The following TPO variants were observed in gnomAD, a reference collection of about 807,000 sequenced individuals.
The protein encoded by TPO is thyroid peroxidase, also known as thyroid microsomal antigen.
A neutral mutation model predicts 96.9 loss-of-function variants in TPO; 78 were observed. The observed-to-expected ratio is 0.81, with a 90% confidence interval of 0.67 to 0.97. The LOEUF (loss-of-function observed/expected upper bound fraction) is 0.97. Among genes scored for constraint, TPO ranks in the 50% least tolerant of loss-of-function variants. The pLI is 0.00. For missense variants in TPO, 1,252 were observed against 1,274.8 expected (o/e 0.98, Z 0.27); for synonymous variants, 547 against 538.0 (o/e 1.02, Z -0.23).
intron 7 of TPO, among the ~76,000 whole-genome samples, chr2:1,471,897 C>T (rs1669454745): frequency 6.6e-6 from 1 of 151,486 alleles, no homozygotes; most frequent in African/African-American, 2.4e-5. Flanking sequence ...GTGTGCCCTT[C>T]CCATGATCCT....
upstream of TPO, among the ~76,000 whole-genome samples, chr2:1,408,527 G>A (rs1442394765): frequency 2.0e-5 from 3 of 152,140 alleles, no homozygotes; most frequent in Non-Finnish European, 4.4e-5. Flanking sequence ...AGTTTTACAG[G>A]AGAATCTACT....
At chr2:1,463,763 T>C (rs1194961736) in intron 7 of TPO, among the ~76,000 whole-genome samples, 4 of 152,168 alleles carry the variant, frequency 2.6e-5, no homozygotes, top group African/African-American at 9.7e-5. Context: ...AAACCCCCCA[T>C]CCACTGCAGA....
At chr2:1,449,490 C>T (rs1384744484) in intron 5 of TPO, among the ~76,000 whole-genome samples, 3 of 152,150 alleles carry the variant, frequency 2.0e-5, no homozygotes, top group African/African-American at 7.2e-5. Context: ...ACACAATCGT[C>T]TCCTTTTTAG....
Position 1,438,069 on chromosome 2 carries a change from G to T in TPO, c.482+1685G>T, listed in dbSNP as rs867694706. ...GGGTGGAGGAGGGCAGGGGGTAGGT[G>T]CACTGTTGAGTCAGAAGCCGGAGCG... On this transcript the variant is annotated intron_variant, in intron 5 of 16. Coordinates refer to ENST00000329066, the MANE Select transcript of TPO (RefSeq NM_001206744.2). 3.9e-5 allele frequency among the ~76,000 whole-genome samples: 6 copies of T among 151,952 alleles called. No individual in the cohort carries two copies. In the South Asian group the frequency reaches 1.2e-3, roughly 32 times the overall value.
chr2:1,381,411 T>C (rs1558241703), intron 1 of TPO, among the ~76,000 whole-genome samples: 2 of 152,058 alleles, frequency 1.3e-5, no homozygotes, highest in African/African-American at 4.8e-5. Flanking sequence ...AAGAAAGCCA[T>C]AGACTTTTAA....
At chr2:1,465,207 G>C (rs1668789645) in intron 7 of TPO, among the ~76,000 whole-genome samples, 1 of 152,166 alleles carries the variant, frequency 6.6e-6, no homozygotes, top group East Asian at 1.9e-4. Flanking sequence ...TCAATTGGCT[G>C]TAAGTATTTG....
intron 10 of TPO, among the ~76,000 whole-genome samples, chr2:1,488,338 CCCTCCCCTTCT>C (rs1168114043): frequency 1.3e-5 from 2 of 152,038 alleles, no homozygotes; most frequent in Non-Finnish European, 2.9e-5. Context: ...TAGAGTGCCC[CCCTCCCCTTCT>C]CCTCCCCACC....
chr2:1,393,213 A>AGAGAG (rs1349584788), intron 1 of TPO, among the ~76,000 whole-genome samples: 3 of 152,164 alleles, frequency 2.0e-5, no homozygotes, highest in African/African-American at 7.2e-5. Flanking sequence ...AGCAGGAGGA[A>AGAGAG]GAGAGGAGAG....
chr2:1,405,296 C>T (rs1003620386), intron 1 of TPO, among the ~76,000 whole-genome samples: 5 of 151,074 alleles, frequency 3.3e-5, no homozygotes, highest in Non-Finnish European at 7.4e-5. Flanking sequence ...TCCATCCATC[C>T]ATCATCCATT....
intron 1 of TPO, among the ~76,000 whole-genome samples, chr2:1,384,756 G>C (rs902366095): frequency 6.6e-6 from 1 of 152,146 alleles, no homozygotes; most frequent in African/African-American, 2.4e-5. Context: ...ATGTTGAATA[G>C]GAGTGGTGAG....
At chr2:1,442,330 G>A (rs1369853535) in intron 5 of TPO, among the ~76,000 whole-genome samples, 1 of 152,188 alleles carries the variant, frequency 6.6e-6, no homozygotes, top group South Asian at 2.1e-4. Context: ...TGGGGTCATT[G>A]TGGAGATCTG....
intron 1 of TPO, among the ~76,000 whole-genome samples, chr2:1,388,679 C>T (rs1274304064): frequency 6.6e-6 from 1 of 152,178 alleles, no homozygotes; most frequent in East Asian, 1.9e-4. Context: ...GATGCCTCGC[C>T]CTGCTTTGGC....
rs766701376 is a variant in TPO at position 1,504,088 on chromosome 2, G to T, written c.2518+9G>T. The T allele has an allele frequency of 6.2e-7, 1 of 1,613,966 alleles. No homozygotes were observed. The highest frequency in any genetic ancestry group is 8.5e-7 in the Non-Finnish European group (1 of 1,180,048). On this transcript the variant is annotated intron_variant, in intron 14 of 16. Transcript: ENST00000329066. ...TGGGAGAACCTGCGTAGGTGAGGCT[G>T]TTCCCCTCTCTCTCTGTCCGTCCAT...
chr2:1,414,370 G>A, intron 1 of TPO, 38 bp from the exon 2 acceptor site: 1 of 1,591,880 alleles, frequency 6.3e-7, no homozygotes. Flanking sequence ...CCTTGTCAGT[G>A]CTTGATTACA....
At chr2:1,478,114 G>A in intron 8 of TPO, 1 of 985,434 alleles carries the variant, frequency 1.0e-6, no homozygotes, top group Non-Finnish European at 1.2e-6. Flanking sequence ...TCTGTGTGAG[G>A]ATTCTGAACT....
At chr2:1,461,909 C>T (rs973716103) in intron 7 of TPO, among the ~76,000 whole-genome samples, 1 of 152,180 alleles carries the variant, frequency 6.6e-6, no homozygotes, top group African/African-American at 2.4e-5. Flanking sequence ...TGGAGACCCC[C>T]GCAGAGGTTC....
rs28636451 is a variant in TPO at position 1,443,997 on chromosome 2, A to G, written c.482+7613A>G. ...GGCTCGTTCTTGTTTGTATGATCCA[A>G]TCACTGCTGCAGGAGGCACCATGTT... On this transcript the variant is annotated intron_variant, in intron 5 of 16. Transcript: ENST00000329066. Among the ~76,000 whole-genome samples the G allele has an allele frequency of 0.014, 1,253 of 90,454 alleles. No individual in the cohort carries two copies. The Middle Eastern group carries it at 0.15, about 11-fold the overall frequency. 59.3% of individuals were successfully genotyped at this position (90,454 alleles called of 152,430 possible). A position where few individuals can be genotyped will look rare whatever the true frequency, so the allele number is the denominator to read the frequency against.
intron 15 of TPO, among the ~76,000 whole-genome samples, chr2:1,537,478 T>TCCCCGAA (rs1680051993): frequency 1.4e-4 from 4 of 28,810 alleles, no homozygotes; most frequent in African/African-American, 2.5e-4. Flanking sequence ...CCTCAAATTC[T>TCCCCGAA]TCCACTCTGT....
In TPO at chr2:1,422,257, G is replaced by A. The variant is rs183736936; in HGVS notation, c.95-788G>A. On this transcript the variant is annotated intron_variant, in intron 2 of 16. Coordinates refer to ENST00000329066, the MANE Select transcript of TPO (RefSeq NM_001206744.2). ...ATTTGTGTGCTCCTTGGGTGGGGACGAGCATGGAAGGCGCGTGGGACTGAA... is the reference window on the plus strand; with the variant it reads ...ATTTGTGTGCTCCTTGGGTGGGGACAAGCATGGAAGGCGCGTGGGACTGAA... Among the ~76,000 whole-genome samples, 3 of 96,772 alleles carry A rather than the reference G, an allele frequency of 3.1e-5. No homozygotes were observed. The Admixed American group carries it at 3.1e-4, about 10-fold the overall frequency. 63.5% of individuals were successfully genotyped at this position (96,772 alleles called of 152,430 possible).
Sources: allele counts gnomAD v4.1 joint callset (sites outside exome capture counted in the v4.1 genomes callset), GRCh38; gene constraint gnomAD v4.1.1; transcripts MANE v1.5; gene names NCBI Gene and HGNC (gene_info 2026-07-23, HGNC 2026-07-21).